The following SRPK2 variants were observed in gnomAD, a reference collection of about 807,000 sequenced individuals.
SRPK2 encodes the protein SRSF protein kinase 2.
SRPK2 carries 21 observed loss-of-function variants against 90.8 expected under a neutral mutation model. The observed-to-expected ratio is 0.23, with a 90% confidence interval of 0.16 to 0.33. The LOEUF is 0.33. SRPK2 is among the 10% of genes least tolerant of loss of function. SRPK2 has a pLI of 1.00. For synonymous variants in SRPK2, 288 were observed against 311.1 expected (o/e 0.93, Z 0.78); for missense variants, 620 against 869.0 (o/e 0.71, Z 3.60).
intron 3 of SRPK2, among the ~76,000 whole-genome samples, chr7:105,201,103 C>A (rs1795495086): frequency 6.6e-6 from 1 of 152,168 alleles, no homozygotes; most frequent in African/African-American, 2.4e-5. Context: ...GGATTTATCT[C>A]TTTATCCAAG....
chr7:105,145,301 C>T lies in SRPK2; in HGVS notation c.795G>A (p.Thr265=), dbSNP rs145804184. 69 of 1,589,118 alleles carry T rather than the reference C, an allele frequency of 4.3e-5. No individual in the cohort carries two copies. In the African/African-American group the frequency reaches 8.6e-4, roughly 20 times the overall value. ...APPPSGSAVS[T]APQQKPIGKI... ...TACTTACAGGTTTCTGCTGTGGAGC[C>T]GTACTCACTAAAATAAAATCAAACA... The change falls in exon 9 of 16, where the codon ACG becomes ACA. Residue 265 remains threonine (T), a synonymous_variant. Coordinates refer to ENST00000393651, the MANE Select transcript of SRPK2 (RefSeq NM_182692.3).
chr7:105,306,241 C>T, intron 2 of SRPK2: 1 of 177,508 alleles, frequency 5.6e-6, no homozygotes, highest in Non-Finnish European at 1.2e-5. Flanking sequence ...TGTCATTTTC[C>T]ATTTTGCTAG....
chr7:105,210,305 T>G (rs1042342014), intron 2 of SRPK2, among the ~76,000 whole-genome samples: 1 of 152,150 alleles, frequency 6.6e-6, no homozygotes, highest in African/African-American at 2.4e-5. Flanking sequence ...TTGAGGGACA[T>G]TCACATAAAG....
At chr7:105,238,610 C>G (rs1800421345) in intron 2 of SRPK2, among the ~76,000 whole-genome samples, 1 of 152,232 alleles carries the variant, frequency 6.6e-6, no homozygotes, top group Non-Finnish European at 1.5e-5. Context: ...TTTTATTACA[C>G]AACCTACTTC....
chr7:105,353,821 A>C (rs991233812), intron 2 of SRPK2, among the ~76,000 whole-genome samples: 3 of 152,184 alleles, frequency 2.0e-5, no homozygotes, highest in Non-Finnish European at 2.9e-5. Flanking sequence ...GACTTTTTTA[A>C]TTCTTCCCAG....
chr7:105,379,115 C>T (rs1024666626), intron 2 of SRPK2, among the ~76,000 whole-genome samples: 2 of 151,372 alleles, frequency 1.3e-5, no homozygotes, highest in Admixed American at 1.3e-4. Context: ...TATGATTGTG[C>T]CACTGTCAGC....
intron 2 of SRPK2, among the ~76,000 whole-genome samples, chr7:105,341,922 G>A (rs1421842571): frequency 1.3e-5 from 2 of 151,962 alleles, no homozygotes; most frequent in African/African-American, 2.4e-5. Flanking sequence ...AGCCGAGATC[G>A]TGCCACTGCA....
intron 4 of SRPK2, among the ~76,000 whole-genome samples, chr7:105,168,696 C>T (rs1228932202): frequency 6.8e-6 from 1 of 146,776 alleles, no homozygotes; most frequent in African/African-American, 2.5e-5. Context: ...GAAAACCATT[C>T]TCTTTTAACA....
At chr7:105,274,253 C>CCTCT (rs564749123) in intron 2 of SRPK2, among the ~76,000 whole-genome samples, 4 of 151,096 alleles carry the variant, frequency 2.6e-5, no homozygotes, top group Admixed American at 1.3e-4. Context: ...CAATAAATTC[C>CCTCT]CTCTCTCTCT....
intron 2 of SRPK2, among the ~76,000 whole-genome samples, chr7:105,242,405 G>A (rs1159464037): frequency 2.1e-4 from 32 of 152,142 alleles, no homozygotes; most frequent in Middle Eastern, 3.4e-3. Context: ...CCAGCTACTC[G>A]GGAGGCTGAG....
intron 2 of SRPK2, among the ~76,000 whole-genome samples, chr7:105,246,850 C>CA (rs1257024673): frequency 6.6e-6 from 1 of 152,176 alleles, no homozygotes; most frequent in Non-Finnish European, 1.5e-5. Flanking sequence ...CCTGAACTGT[C>CA]AGAGAGAAAT....
At chr7:105,326,405 T>C (rs1222675991) in intron 2 of SRPK2, among the ~76,000 whole-genome samples, 1 of 152,244 alleles carries the variant, frequency 6.6e-6, no homozygotes, top group Non-Finnish European at 1.5e-5. Context: ...ATCTTCTCCA[T>C]TATTTATAGT....
chr7:105,246,070 G>C (rs774114930), intron 2 of SRPK2, among the ~76,000 whole-genome samples: 11 of 151,986 alleles, frequency 7.2e-5, no homozygotes, highest in Non-Finnish European at 1.3e-4. Flanking sequence ...AGGTTACATC[G>C]GCAAAAATCC....
At chr7:105,153,621 T>C (rs996141325) in intron 7 of SRPK2, among the ~76,000 whole-genome samples, 13 of 152,122 alleles carry the variant, frequency 8.5e-5, no homozygotes, top group African/African-American at 3.1e-4. Flanking sequence ...TAAAAAGAAA[T>C]AGAATGAGAG....
chr7:105,155,125 T>G (rs1584978698), intron 7 of SRPK2, among the ~76,000 whole-genome samples: 1 of 151,746 alleles, frequency 6.6e-6, no homozygotes, highest in East Asian at 1.9e-4. Flanking sequence ...GAACTATATG[T>G]ATGTGCCACC....
intron 2 of SRPK2, among the ~76,000 whole-genome samples, chr7:105,322,927 G>C (rs113138904): frequency 6.6e-6 from 1 of 152,128 alleles, no homozygotes; most frequent in Admixed American, 6.6e-5. Context: ...AGCCAGACAC[G>C]GTGGCTCATG....
At chr7:105,135,985 G>C (rs1292971121) in intron 11 of SRPK2, among the ~76,000 whole-genome samples, 1 of 151,978 alleles carries the variant, frequency 6.6e-6, no homozygotes, top group Non-Finnish European at 1.5e-5. Flanking sequence ...GGCTGGTCTC[G>C]AACTCCTGAC....
At chr7:105,242,298 G>A (rs1800916172) in intron 2 of SRPK2, among the ~76,000 whole-genome samples, 1 of 152,108 alleles carries the variant, frequency 6.6e-6, no homozygotes, top group Non-Finnish European at 1.5e-5. Flanking sequence ...GAATGCTTGA[G>A]GTCAAGAGCT....
intron 2 of SRPK2, among the ~76,000 whole-genome samples, chr7:105,372,334 A>C (rs1174388633): frequency 6.6e-6 from 1 of 152,152 alleles, no homozygotes; most frequent in Non-Finnish European, 1.5e-5. Context: ...ATTTGTAACT[A>C]ACTTAAGAAA....
Sources: allele counts gnomAD v4.1 joint callset (sites outside exome capture counted in the v4.1 genomes callset), GRCh38; gene constraint gnomAD v4.1.1; transcripts MANE v1.5; gene names NCBI Gene and HGNC (gene_info 2026-07-23, HGNC 2026-07-21).